Variants in CNTNAP5 observed in about 807,000 individuals in gnomAD.
The protein encoded by CNTNAP5 is contactin associated protein family member 5.
In CNTNAP5, 72 loss-of-function variants were observed where a neutral mutation model predicts 150.2. That is an observed-to-expected ratio of 0.48 (90% CI 0.40 to 0.58). The LOEUF (loss-of-function observed/expected upper bound fraction) is 0.58. CNTNAP5 is among the 20% of genes least tolerant of loss of function. The probability of loss-of-function intolerance (pLI) is 0.00; values close to 1 mark genes in which losing one functional copy is unlikely to be tolerated. For missense variants in CNTNAP5, 1,636 were observed against 1,626.2 expected, an observed-to-expected ratio of 1.01 and a Z score of -0.10; for synonymous variants, 672 against 619.8, an observed-to-expected ratio of 1.08 and a Z score of -1.25.
chr2:124,367,791 A>C (rs964490742), intron 3 of CNTNAP5, among the ~76,000 whole-genome samples: 34 of 152,056 alleles, frequency 2.2e-4, no homozygotes, highest in African/African-American at 8.0e-4. Context: ...TAAAATGCTA[A>C]CTCTTTTATT....
chr2:124,504,606 A>T, intron 8 of CNTNAP5, 50 bp downstream of exon 8: 1 of 1,583,866 alleles, frequency 6.3e-7, no homozygotes, highest in Non-Finnish European at 8.6e-7. Context: ...CCAAGTCGAC[A>T]AAGGTTGAGG....
intron 10 of CNTNAP5, among the ~76,000 whole-genome samples, chr2:124,531,706 T>A (rs1695113204): frequency 6.6e-6 from 1 of 152,176 alleles, no homozygotes; most frequent in Non-Finnish European, 1.5e-5. Flanking sequence ...AAGCACTGTG[T>A]GTATTCTCTC....
chr2:124,804,781 C>T (rs1682046931), intron 19 of CNTNAP5, among the ~76,000 whole-genome samples: 1 of 152,300 alleles, frequency 6.6e-6, no homozygotes, highest in South Asian at 2.1e-4. Context: ...CAGTCTATGA[C>T]ATTTTATTGT....
chr2:124,166,191 G>T (rs575781224), intron 1 of CNTNAP5, among the ~76,000 whole-genome samples: 1 of 152,150 alleles, frequency 6.6e-6, no homozygotes, highest in Non-Finnish European at 1.5e-5. Context: ...ATTAGCCATC[G>T]TTCCTATGGC....
At chr2:124,576,891 T>C (rs1488961209) in intron 11 of CNTNAP5, among the ~76,000 whole-genome samples, 2 of 152,198 alleles carry the variant, frequency 1.3e-5, no homozygotes. Context: ...ACTTCGTCAG[T>C]CCTCTACACT....
chr2:124,831,395 T>G (rs992594686), intron 19 of CNTNAP5, among the ~76,000 whole-genome samples: 1 of 151,896 alleles, frequency 6.6e-6, no homozygotes, highest in Non-Finnish European at 1.5e-5. Context: ...ATTCTTCATA[T>G]CTTTCTTTCC....
At chr2:124,838,473 G>C (rs1460155569) in intron 19 of CNTNAP5, among the ~76,000 whole-genome samples, 1 of 152,152 alleles carries the variant, frequency 6.6e-6, no homozygotes, top group Admixed American at 6.6e-5. Flanking sequence ...TCTTTGAAAG[G>C]GGTGTCTTAT....
At position 124,916,159 on chromosome 2, in the gene CNTNAP5, A is replaced by G. The variant is rs1319692367; in HGVS notation, c.*1871A>G. Among the ~76,000 whole-genome samples, 5 of 152,024 alleles carry G rather than the reference A, an allele frequency of 3.3e-5. No individual in the cohort carries two copies. Among genetic ancestry groups the G allele is most frequent in the Admixed American group, 6.6e-5 (1 of 15,248 alleles). On this transcript the variant is annotated 3_prime_UTR_variant, in exon 24 of 24. Coordinates refer to ENST00000682447, the MANE Select transcript of CNTNAP5 (RefSeq NM_001367498.1). ...TATTTTAAGATGTTGTTTCAAATGC[A>G]TATTCTCTCCTCGAAATTTTCTGTG...
At chr2:124,138,344 A>G (rs1468575278) in intron 1 of CNTNAP5, among the ~76,000 whole-genome samples, 1 of 152,204 alleles carries the variant, frequency 6.6e-6, no homozygotes, top group African/African-American at 2.4e-5. Flanking sequence ...ATGATTTCCT[A>G]AGGAACTGTT....
intron 21 of CNTNAP5, among the ~76,000 whole-genome samples, chr2:124,879,133 A>T (rs1677917767): frequency 6.6e-6 from 1 of 152,004 alleles, no homozygotes; most frequent in Non-Finnish European, 1.5e-5. Flanking sequence ...AAAATCATCA[A>T]ATCCAGTCCG....
intron 1 of CNTNAP5, among the ~76,000 whole-genome samples, chr2:124,034,586 T>C (rs1234548973): frequency 6.6e-6 from 1 of 152,228 alleles, no homozygotes; most frequent in Admixed American, 6.5e-5. Flanking sequence ...CCAGTGAAAC[T>C]GCTAGCTGAG....
intron 5 of CNTNAP5, 100 bp from the exon 6 acceptor site, chr2:124,446,653 C>T: frequency 1.7e-6 from 2 of 1,149,900 alleles, no homozygotes; most frequent in Admixed American, 2.3e-5. Context: ...TCATTCTTTG[C>T]CTTTAGAACA....
chr2:124,025,814 C>A (rs1353774210), intron 1 of CNTNAP5, 82 bp downstream of exon 1: 2 of 1,144,442 alleles, frequency 1.7e-6, no homozygotes, highest in Non-Finnish European at 2.7e-6. Flanking sequence ...TAAGCGTACT[C>A]GATTGTGTCT....
At chr2:124,742,625 G>GAC (rs3042996) in intron 13 of CNTNAP5, among the ~76,000 whole-genome samples, 2,227 of 148,216 alleles carry the variant, frequency 0.015, 26 homozygotes, top group Middle Eastern at 0.031. Flanking sequence ...TACACGCACA[G>GAC]ACACACACAC....
At chr2:124,408,585 C>T (rs1025082820) in intron 3 of CNTNAP5, among the ~76,000 whole-genome samples, 11 of 151,728 alleles carry the variant, frequency 7.2e-5, no homozygotes, top group East Asian at 5.8e-4. Flanking sequence ...CCCTGACCCC[C>T]GAGCAGCCTA....
intron 13 of CNTNAP5, among the ~76,000 whole-genome samples, chr2:124,711,701 C>T (rs1215934847): frequency 1.3e-5 from 2 of 151,872 alleles, no homozygotes; most frequent in Admixed American, 6.6e-5. Flanking sequence ...ATTAGCCAGG[C>T]AGGGTGGCAC....
intron 3 of CNTNAP5, among the ~76,000 whole-genome samples, chr2:124,336,906 G>A (rs1288775647): frequency 6.6e-6 from 1 of 152,024 alleles, no homozygotes; most frequent in African/African-American, 2.4e-5. Flanking sequence ...GGGATGGCTG[G>A]GTCAAATGGT....
chr2:124,279,918 AT>A (rs1687972348), intron 3 of CNTNAP5, among the ~76,000 whole-genome samples: 1 of 152,124 alleles, frequency 6.6e-6, no homozygotes, highest in Non-Finnish European at 1.5e-5. Context: ...CCTAAAAAAA[AT>A]AAAAAATGTA....
At chr2:124,072,931 G>T (rs1558745558) in intron 1 of CNTNAP5, among the ~76,000 whole-genome samples, 1 of 151,958 alleles carries the variant, frequency 6.6e-6, no homozygotes, top group Non-Finnish European at 1.5e-5. Context: ...CAAAACTGGA[G>T]GAATCACATT....
Sources: gnomAD v4.1 joint callset for allele counts (sites outside exome capture counted in the v4.1 genomes callset) on GRCh38, gnomAD v4.1.1 for gene constraint, MANE v1.5 for transcripts, NCBI Gene and HGNC (gene_info 2026-07-23, HGNC 2026-07-21) for gene names.